Variants in IKBKB-DT observed in about 807,000 individuals in gnomAD.
IKBKB-DT encodes IKBKB divergent transcript.
chr8:42,238,950 C>G (rs1563274075), intron 3 of IKBKB-DT, among the ~76,000 whole-genome samples: 1 of 152,196 alleles, frequency 6.6e-6, no homozygotes, highest in South Asian at 2.1e-4. Flanking sequence ...GCTTGGCGAG[C>G]TTTGAATTAA....
chr8:42,270,683 G>A (rs1195682486), exon 1 of IKBKB-DT: 1 of 152,248 alleles, frequency 6.6e-6, no homozygotes, highest in Admixed American at 6.6e-5. Flanking sequence ...CCCATAAAAC[G>A]GAGAAACTCA....
chr8:42,266,975 T>C (rs1807379243), intron 1 of IKBKB-DT, among the ~76,000 whole-genome samples: 1 of 151,778 alleles, frequency 6.6e-6, no homozygotes, highest in Non-Finnish European at 1.5e-5. Flanking sequence ...GTTATTCCTT[T>C]ACCTTCTTTT....
chr8:42,262,618 T>G (rs1400880027), intron 3 of IKBKB-DT, among the ~76,000 whole-genome samples: 1 of 151,682 alleles, frequency 6.6e-6, no homozygotes, highest in Non-Finnish European at 1.5e-5. Flanking sequence ...TTTTTTTATT[T>G]TTAGTAGGGA....
intron 3 of IKBKB-DT, among the ~76,000 whole-genome samples, chr8:42,237,900 C>T (rs1360135139): frequency 6.6e-6 from 1 of 151,530 alleles, no homozygotes; most frequent in African/African-American, 2.4e-5. Flanking sequence ...TAGTGCATGC[C>T]TATAGTCCCA....
At chr8:42,264,741 T>C (rs1387386397) in intron 2 of IKBKB-DT, among the ~76,000 whole-genome samples, 1 of 152,078 alleles carries the variant, frequency 6.6e-6, no homozygotes, top group Non-Finnish European at 1.5e-5. Flanking sequence ...GTATTTTTAG[T>C]AGAGACAGGG....
At chr8:42,257,176 G>A (rs528972930) in intron 3 of IKBKB-DT, among the ~76,000 whole-genome samples, 12 of 152,170 alleles carry the variant, frequency 7.9e-5, no homozygotes, top group Admixed American at 5.9e-4. Context: ...GTAATTTAAC[G>A]TACCAAATTA....
intron 3 of IKBKB-DT, among the ~76,000 whole-genome samples, chr8:42,244,045 C>T (rs1807034453): frequency 6.6e-6 from 1 of 152,156 alleles, no homozygotes; most frequent in Admixed American, 6.5e-5. Flanking sequence ...AAAACAAGTT[C>T]CTATTATCCT....
At chr8:42,242,112 G>A (rs1192543894) in intron 3 of IKBKB-DT, among the ~76,000 whole-genome samples, 1 of 152,168 alleles carries the variant, frequency 6.6e-6, no homozygotes, top group East Asian at 1.9e-4. Context: ...CTACTCAGGA[G>A]GCTGAGGCAG....
chr8:42,267,410 G>A (rs924794898), intron 1 of IKBKB-DT, among the ~76,000 whole-genome samples: 10 of 152,130 alleles, frequency 6.6e-5, no homozygotes, highest in South Asian at 2.1e-4. Flanking sequence ...TTCCTATAAC[G>A]GTACTGTACT....
intron 3 of IKBKB-DT, among the ~76,000 whole-genome samples, chr8:42,252,100 C>G (rs1443149354): frequency 6.6e-6 from 1 of 152,228 alleles, no homozygotes; most frequent in Non-Finnish European, 1.5e-5. Context: ...CTCCATCTTC[C>G]CTTTTCTTTG....
intron 3 of IKBKB-DT, among the ~76,000 whole-genome samples, chr8:42,258,719 C>T (rs1201233206): frequency 1.3e-5 from 2 of 152,126 alleles, no homozygotes; most frequent in Non-Finnish European, 1.5e-5. Context: ...CCGCCCGCCT[C>T]GGCCTCCCAA....
chr8:42,269,299 G>A (rs910034954), intron 1 of IKBKB-DT, among the ~76,000 whole-genome samples: 2 of 148,646 alleles, frequency 1.3e-5, no homozygotes, highest in Non-Finnish European at 3.0e-5. Context: ...CAAAGTGGGC[G>A]ATAGAGAAAG....
chr8:42,260,210 A>T (rs534383644), intron 3 of IKBKB-DT, among the ~76,000 whole-genome samples: 4 of 152,266 alleles, frequency 2.6e-5, no homozygotes, highest in Non-Finnish European at 4.4e-5. Context: ...GCACATAGAC[A>T]GTGGGGCTTC....
intron 3 of IKBKB-DT, among the ~76,000 whole-genome samples, chr8:42,261,056 T>C (rs1160187935): frequency 1.3e-5 from 2 of 152,178 alleles, no homozygotes; most frequent in Non-Finnish European, 2.9e-5. Flanking sequence ...CTAGCTGTTA[T>C]GGCCTACATC....
intron 3 of IKBKB-DT, among the ~76,000 whole-genome samples, chr8:42,248,603 G>A (rs940338024): frequency 6.6e-5 from 10 of 152,024 alleles, no homozygotes; most frequent in African/African-American, 1.7e-4. Flanking sequence ...CCAAATAGCC[G>A]GCTGCAGTGG....
chr8:42,252,016 T>C (rs575328206), intron 3 of IKBKB-DT, among the ~76,000 whole-genome samples: 97 of 152,278 alleles, frequency 6.4e-4, no homozygotes, highest in African/African-American at 2.2e-3. Context: ...AGCTGGAAGC[T>C]TGCATAAGTG....
chr8:42,245,267 A>T (rs915490416), intron 3 of IKBKB-DT, among the ~76,000 whole-genome samples: 3 of 152,156 alleles, frequency 2.0e-5, no homozygotes, highest in Non-Finnish European at 2.9e-5. Flanking sequence ...AATAAAATTT[A>T]AAAAATAATA....
At chr8:42,264,462 G>GT (rs1367544428) in intron 2 of IKBKB-DT, among the ~76,000 whole-genome samples, 2 of 152,162 alleles carry the variant, frequency 1.3e-5, no homozygotes, top group East Asian at 3.8e-4. Context: ...GGCAAGAGAT[G>GT]TTTTTTGTTG....
chr8:42,245,963 A>T (rs778264887), intron 3 of IKBKB-DT, among the ~76,000 whole-genome samples: 62 of 152,250 alleles, frequency 4.1e-4, no homozygotes, highest in Non-Finnish European at 6.3e-4. Context: ...AAGAAGTGAT[A>T]CATCAATCCA....
Sources: allele counts gnomAD v4.1 joint callset (sites outside exome capture counted in the v4.1 genomes callset), GRCh38; gene constraint gnomAD v4.1.1; transcripts MANE v1.5; gene names NCBI Gene and HGNC (gene_info 2026-07-23, HGNC 2026-07-21).